ZZEF1: variants seen among roughly 807,000 people sequenced by gnomAD.
ZZEF1 encodes zinc finger ZZ-type and EF-hand domain-containing protein 1.
A neutral mutation model predicts 342.8 loss-of-function variants in ZZEF1; 157 were observed. That is an observed-to-expected ratio of 0.46 (90% CI 0.40 to 0.52). ZZEF1 has a LOEUF of 0.52. Ranked by LOEUF, ZZEF1 falls within the 20% of genes least tolerant of loss-of-function variation. The pLI, the probability that ZZEF1 is intolerant of heterozygous loss-of-function variation, is 0.00. For synonymous variants in ZZEF1, 1,505 were observed against 1,429.1 expected, an observed-to-expected ratio of 1.05 and a Z score of -1.20; for missense variants, 3,480 against 3,725.6, an observed-to-expected ratio of 0.93 and a Z score of 1.72.
intron 38 of ZZEF1, among the ~76,000 whole-genome samples, chr17:4,042,941 C>CA (rs1415896750): frequency 6.6e-6 from 1 of 152,232 alleles, no homozygotes; most frequent in Non-Finnish European, 1.5e-5. Flanking sequence ...CTTGGCCTCT[C>CA]AAAGTGCTGG....
intron 49 of ZZEF1, among the ~76,000 whole-genome samples, chr17:4,015,025 C>G (rs1407896219): frequency 6.6e-6 from 1 of 152,148 alleles, no homozygotes; most frequent in Non-Finnish European, 1.5e-5. Context: ...GAAAATGAGG[C>G]ACTCAGACTC....
intron 6 of ZZEF1, among the ~76,000 whole-genome samples, 163 bp downstream of exon 6, chr17:4,109,490 C>T (rs776228662): frequency 1.3e-5 from 2 of 152,162 alleles, no homozygotes; most frequent in South Asian, 2.1e-4. Context: ...GAGAGATACA[C>T]TGTGGAGCTG....
intron 41 of ZZEF1, 71 bp downstream of exon 41, chr17:4,032,757 A>T: frequency 1.3e-6 from 2 of 1,523,204 alleles, no homozygotes; most frequent in South Asian, 1.2e-5. Context: ...TCCGGAAGCC[A>T]CAGAGGCTTT....
At chr17:4,113,834 A>G (rs923238809) in intron 4 of ZZEF1, among the ~76,000 whole-genome samples, 5 of 151,664 alleles carry the variant, frequency 3.3e-5, no homozygotes, top group Non-Finnish European at 5.9e-5. Context: ...TTAGCCAGGT[A>G]TGGTGGTGCC....
intron 43 of ZZEF1, 131 bp downstream of exon 43, chr17:4,024,788 G>A (rs773490823): frequency 8.0e-5 from 73 of 908,422 alleles, no homozygotes; most frequent in Middle Eastern, 2.3e-4. Context: ...AGGCCCACGC[G>A]TTTCTAAAAA....
chr17:4,090,734 C>T lies in ZZEF1; in HGVS notation c.2010G>A (p.Gln670=), dbSNP rs780676623. The T allele has an allele frequency of 6.2e-7, 1 of 1,613,900 alleles. No homozygotes were observed. Among genetic ancestry groups the T allele is most frequent in the Non-Finnish European group, 8.5e-7 (1 of 1,179,962 alleles). ...EWDEADVKLQ[Q]CRVAKYLMVK... ...TAATGCTTACTTTGGCAACTCTGCA[C>T]TGTTGCAGCTTCACATCTGCTTCAT... The change falls in exon 12 of 55, where the codon CAG becomes CAA. Residue 670 remains glutamine (Q), a synonymous_variant. Transcript: ENST00000381638.
rs1223687154 is a variant in ZZEF1 at position 4,006,006 on chromosome 17, CTA to C, written c.*882_*883del. ...AGGTGGGTATGACAGACTACCATGA[CTA>C]TCAAGCAGAAATAAAATTATGTGGG... On this transcript the variant is annotated 3_prime_UTR_variant, in exon 55 of 55. Coordinates refer to ENST00000381638, the MANE Select transcript of ZZEF1 (RefSeq NM_015113.4). 1 of 152,258 alleles carries C rather than the reference CTA, an allele frequency of 6.6e-6. No homozygotes were observed. Among genetic ancestry groups the C allele is most frequent in the East Asian group, 1.9e-4 (1 of 5,198 alleles). 9.4% of individuals were successfully genotyped at this position (152,258 alleles called of 1,614,324 possible). A position where few individuals can be genotyped will look rare whatever the true frequency, so the allele number is the denominator to read the frequency against.
chr17:4,114,172 T>G, intron 4 of ZZEF1, 127 bp downstream of exon 4: 1 of 669,952 alleles, frequency 1.5e-6, no homozygotes, highest in Non-Finnish European at 2.3e-6. Flanking sequence ...GGTTACATGA[T>G]TTTACATGAT....
intron 18 of ZZEF1, among the ~76,000 whole-genome samples, chr17:4,079,759 T>A (rs541763267): frequency 6.6e-6 from 1 of 152,338 alleles, no homozygotes; most frequent in East Asian, 1.9e-4. Context: ...GGGAGACACC[T>A]GCTGATGGCC....
intron 27 of ZZEF1, among the ~76,000 whole-genome samples, chr17:4,066,845 G>A (rs570348997): frequency 1.6e-5 from 1 of 62,764 alleles, no homozygotes; most frequent in African/African-American, 1.5e-4. Flanking sequence ...TTTCAGAGGG[G>A]ACATCTCTAC....
Position 4,076,944 on chromosome 17 carries a change from A to G in ZZEF1, c.3035T>C (p.Leu1012Pro). The G allele has an allele frequency of 1.2e-6, 2 of 1,614,078 alleles. No homozygotes were observed. The highest frequency in any genetic ancestry group is 2.2e-5 in the East Asian group (1 of 44,882). Residue 1012 changes from leucine (L) to proline (P), a missense_variant, in exon 20 of 55, where the codon CTT becomes CCT. Physicochemically the swap from Leu to Pro is moderately conservative, Grantham distance 98 (BLOSUM62 -3). Coordinates refer to ENST00000381638, the MANE Select transcript of ZZEF1 (RefSeq NM_015113.4). ...GGTTTTTCCACTGTACTGTGAGAAA[A>G]GGGATTCCAAAATCGCTCTCATGCT... ...LASMRAILES[L>P]FSQYSGKTIV... is the part of the protein sequence containing the mutation.
chr17:4,021,426 A>G, intron 44 of ZZEF1, 106 bp from the exon 45 acceptor site: 1 of 776,374 alleles, frequency 1.3e-6, no homozygotes, highest in Non-Finnish European at 1.9e-6. Context: ...AGACATCAGA[A>G]TCTACCTGAA....
rs192885514 is a variant in ZZEF1 at position 4,032,117 on chromosome 17, G to C, written c.6892+9C>G. 1.9e-6 allele frequency: 3 copies of C among 1,603,548 alleles called. No homozygotes were observed. Among genetic ancestry groups the C allele is most frequent in the Non-Finnish European group, 2.5e-6 (3 of 1,177,076 alleles). ...TCCATTCTTAGAAAAAAATAATTACGCATGGTACCTGTTTTCCTCTTCCGA... is the reference window on the plus strand; with the variant it reads ...TCCATTCTTAGAAAAAAATAATTACCCATGGTACCTGTTTTCCTCTTCCGA... On this transcript the variant is annotated intron_variant, in intron 42 of 54. Coordinates refer to ENST00000381638, the MANE Select transcript of ZZEF1 (RefSeq NM_015113.4).
At chr17:4,095,174 G>A (rs1454559208) in intron 11 of ZZEF1, among the ~76,000 whole-genome samples, 1 of 152,118 alleles carries the variant, frequency 6.6e-6, no homozygotes, top group East Asian at 1.9e-4. Context: ...CTGGGCCCAT[G>A]AAGCTGCCCT....
intron 14 of ZZEF1, among the ~76,000 whole-genome samples, 195 bp downstream of exon 14, chr17:4,087,239 T>C (rs1490224655): frequency 1.3e-5 from 2 of 152,234 alleles, no homozygotes; most frequent in Non-Finnish European, 1.5e-5. Context: ...ACTGTAATCC[T>C]TGACCTGCTT....
chr17:4,095,091 T>C (rs2058009972), intron 11 of ZZEF1, among the ~76,000 whole-genome samples: 1 of 152,112 alleles, frequency 6.6e-6, no homozygotes, highest in Non-Finnish European at 1.5e-5. Flanking sequence ...GCTGCATCTC[T>C]CATCACCCTC....
At chr17:4,013,638 A>T (rs1357604526) in intron 51 of ZZEF1, 24 bp from the exon 52 acceptor site, 3 of 1,598,318 alleles carry the variant, frequency 1.9e-6, no homozygotes, top group Non-Finnish European at 2.6e-6. Context: ...CAAAACACGG[A>T]TATATAAACA....
At chr17:4,079,476 G>A (rs1281274981) in intron 18 of ZZEF1, among the ~76,000 whole-genome samples, 2 of 152,204 alleles carry the variant, frequency 1.3e-5, no homozygotes, top group African/African-American at 2.4e-5. Flanking sequence ...AACACATACT[G>A]ATGAGACTGA....
At chr17:4,055,957 G>A (rs2057148668) in intron 33 of ZZEF1, among the ~76,000 whole-genome samples, 2 of 152,288 alleles carry the variant, frequency 1.3e-5, no homozygotes, top group South Asian at 4.1e-4. Context: ...TCGCATGCGC[G>A]GTTTATTGTG....
Sources: allele counts gnomAD v4.1 joint callset (sites outside exome capture counted in the v4.1 genomes callset), GRCh38; gene constraint gnomAD v4.1.1; transcripts MANE v1.5; gene names NCBI Gene and HGNC (gene_info 2026-07-23, HGNC 2026-07-21).